TESK2: variants seen among roughly 807,000 people sequenced by gnomAD.
TESK2 encodes dual specificity testis-specific protein kinase 2.
TESK2 carries 39 observed loss-of-function variants against 57.1 expected under a neutral mutation model. That is an observed-to-expected ratio of 0.68 (90% CI 0.53 to 0.89). TESK2 has a LOEUF of 0.89. Among genes scored for constraint, TESK2 ranks in the 40% least tolerant of loss-of-function variants. The pLI, the probability that TESK2 is intolerant of heterozygous loss-of-function variation, is 0.00. For synonymous variants in TESK2, 249 were observed against 267.9 expected, an observed-to-expected ratio of 0.93 and a Z score of 0.69; for missense variants, 646 against 732.1, an observed-to-expected ratio of 0.88 and a Z score of 1.36.
intron 4 of TESK2, among the ~76,000 whole-genome samples, chr1:45,372,606 C>T (rs916578011): frequency 1.3e-5 from 2 of 151,520 alleles, no homozygotes; most frequent in Admixed American, 1.3e-4. Flanking sequence ...CAAGATCTGG[C>T]CTGGTACAGT....
intron 3 of TESK2, among the ~76,000 whole-genome samples, chr1:45,402,970 A>G (rs1233796769): frequency 6.7e-6 from 1 of 150,050 alleles, no homozygotes; most frequent in African/African-American, 2.4e-5. Flanking sequence ...CTTGGGCTAG[A>G]AAAAAAAAAT....
At chr1:45,413,860 T>C (rs748690123) in intron 3 of TESK2, 4 of 456,210 alleles carry the variant, frequency 8.8e-6, no homozygotes, top group South Asian at 6.2e-5. Flanking sequence ...TTCTGGTTCA[T>C]ACTTCTGCAC....
chr1:45,378,634 C>G (rs1312564290), intron 4 of TESK2, among the ~76,000 whole-genome samples: 1 of 152,188 alleles, frequency 6.6e-6, no homozygotes, highest in East Asian at 1.9e-4. Flanking sequence ...CAGGAAAGCC[C>G]TTCTGCATAC....
At chr1:45,386,120 G>A (rs567685951) in intron 3 of TESK2, among the ~76,000 whole-genome samples, 160 bp from the exon 4 acceptor site, 27 of 152,110 alleles carry the variant, frequency 1.8e-4, no homozygotes, top group Admixed American at 5.9e-4. Context: ...AGAGGTGTGC[G>A]GATCACCTGA....
intron 1 of TESK2, among the ~76,000 whole-genome samples, chr1:45,470,015 G>A (rs1308358788): frequency 6.6e-6 from 1 of 152,156 alleles, no homozygotes; most frequent in African/African-American, 2.4e-5. Context: ...AATCATATGT[G>A]CACAAAGTTG....
At chr1:45,398,909 G>A in intron 3 of TESK2, 1 of 412,710 alleles carries the variant, frequency 2.4e-6, no homozygotes, top group South Asian at 1.7e-5. Flanking sequence ...TCCAGTGGAG[G>A]AACCTGAGGC....
At chr1:45,361,140 G>C (rs1044820663) in intron 4 of TESK2, among the ~76,000 whole-genome samples, 2 of 152,148 alleles carry the variant, frequency 1.3e-5, no homozygotes, top group Non-Finnish European at 2.9e-5. Context: ...CACGGTCTCT[G>C]TGCCCATTAG....
intron 4 of TESK2, among the ~76,000 whole-genome samples, chr1:45,379,874 A>C (rs1186107037): frequency 6.6e-6 from 1 of 152,146 alleles, no homozygotes; most frequent in East Asian, 1.9e-4. Flanking sequence ...AGAAGAAAAT[A>C]AGAATAGTTT....
chr1:45,344,954 G>T lies in TESK2; in HGVS notation c.1602C>A (p.Cys534Ter). Residue 534 changes from cysteine to a stop codon, truncating the protein, a stop_gained, in exon 11 of 11, where the codon TGC becomes TGA. Transcript: ENST00000372086. LOFTEE classifies it high-confidence loss of function. ...FGSRPQGTSP[C>*]PAGASEEMEV... ...CCATCTCCTCAGAAGCACCCGCAGG[G>T]CATGGACTGGTCCCCTGGGGCCTGG... The T allele has an allele frequency of 6.2e-7, 1 of 1,614,254 alleles. No homozygotes were observed. Among genetic ancestry groups the T allele is most frequent in the Non-Finnish European group, 8.5e-7 (1 of 1,180,044 alleles).
At chr1:45,483,366 C>T (rs1185960313) in intron 1 of TESK2, among the ~76,000 whole-genome samples, 2 of 151,738 alleles carry the variant, frequency 1.3e-5, no homozygotes, top group Non-Finnish European at 2.9e-5. Flanking sequence ...GAGGCCGAGG[C>T]AGGCGGATGG....
intron 4 of TESK2, among the ~76,000 whole-genome samples, chr1:45,372,239 C>T (rs937995030): frequency 6.6e-6 from 1 of 151,250 alleles, no homozygotes; most frequent in Admixed American, 6.6e-5. Flanking sequence ...TGGAGTGAGA[C>T]CCATCTTATT....
intron 1 of TESK2, among the ~76,000 whole-genome samples, chr1:45,490,299 C>T (rs1653662379): frequency 6.6e-6 from 1 of 152,132 alleles, no homozygotes; most frequent in South Asian, 2.1e-4. Flanking sequence ...TGAACACTGG[C>T]TTAGTCCACT....
chr1:45,347,595 TC>T lies in TESK2; in HGVS notation c.708+13del. The stretch of plus-strand genomic sequence containing the variant: ...AAAAAAGGAGAATCAGGCCTTGAGA[TC>T]CTCCAAACTTACCTTTTCATTATAG... On this transcript the variant is annotated intron_variant, in intron 7 of 10. Coordinates refer to ENST00000372086, the MANE Select transcript of TESK2 (RefSeq NM_007170.3). The T allele has an allele frequency of 1.2e-6, 2 of 1,610,012 alleles. No homozygotes were observed. The highest frequency in any genetic ancestry group is 1.7e-6 in the Non-Finnish European group (2 of 1,178,008).
chr1:45,347,868 A>C lies in TESK2; in HGVS notation c.623+50T>G, dbSNP rs772903473. 9 of 1,527,144 alleles carry C rather than the reference A, an allele frequency of 5.9e-6. No individual in the cohort carries two copies. The Middle Eastern group carries it at 1.0e-3, about 173-fold the overall frequency. 94.6% of individuals were successfully genotyped at this position (1,527,144 alleles called of 1,614,324 possible). A position where few individuals can be genotyped will look rare whatever the true frequency, so the allele number is the denominator to read the frequency against. ...GGGGAGGAGGCTAGAATTTTCCCTTAGCTTCAGCCCCCTGTCCCTTGGACC... is the reference window on the plus strand; with the variant it reads ...GGGGAGGAGGCTAGAATTTTCCCTTCGCTTCAGCCCCCTGTCCCTTGGACC... On this transcript the variant is annotated intron_variant, in intron 6 of 10. Coordinates refer to ENST00000372086, the MANE Select transcript of TESK2 (RefSeq NM_007170.3).
At chr1:45,432,014 G>A (rs1467425307) in intron 2 of TESK2, among the ~76,000 whole-genome samples, 1 of 152,030 alleles carries the variant, frequency 6.6e-6, no homozygotes, top group African/African-American at 2.4e-5. Context: ...GGGAGGCTGA[G>A]ACAGGAGGAT....
chr1:45,415,103 C>T, intron 3 of TESK2: 1 of 1,441,688 alleles, frequency 6.9e-7, no homozygotes, highest in Non-Finnish European at 9.7e-7. Flanking sequence ...TGTTTGCAGA[C>T]AAGTTTCCAA....
intron 3 of TESK2, among the ~76,000 whole-genome samples, chr1:45,393,375 C>G (rs372968647): frequency 6.6e-6 from 1 of 152,154 alleles, no homozygotes; most frequent in African/African-American, 2.4e-5. Context: ...CAAATCATTC[C>G]TAATGGAAAA....
At chr1:45,472,378 G>A (rs1361830289) in intron 1 of TESK2, among the ~76,000 whole-genome samples, 1 of 149,758 alleles carries the variant, frequency 6.7e-6, no homozygotes, top group Non-Finnish European at 1.5e-5. Context: ...GCCAACATGG[G>A]GAAACCCCAC....
intron 3 of TESK2, among the ~76,000 whole-genome samples, chr1:45,405,476 T>G (rs969955404): frequency 2.6e-5 from 4 of 151,502 alleles, no homozygotes; most frequent in African/African-American, 9.8e-5. Context: ...TGTGCTAATA[T>G]CCCTCACCGA....
Sources: allele counts gnomAD v4.1 joint callset (sites outside exome capture counted in the v4.1 genomes callset), GRCh38; gene constraint gnomAD v4.1.1; transcripts MANE v1.5; gene names NCBI Gene and HGNC (gene_info 2026-07-23, HGNC 2026-07-21).